The following RBBP8 variants were observed in gnomAD, a reference collection of about 807,000 sequenced individuals.
RBBP8 encodes the protein RB binding protein 8, endonuclease, also known as DNA endonuclease RBBP8.
RBBP8 carries 88 observed loss-of-function variants against 108.3 expected under a neutral mutation model. The ratio of observed to expected loss-of-function variants is 0.81; its 90% CI spans 0.68 to 0.97. The LOEUF (loss-of-function observed/expected upper bound fraction) is 0.97. RBBP8 is among the 50% of genes least tolerant of loss of function. RBBP8 has a pLI of 0.00. For synonymous variants in RBBP8, 332 were observed against 348.2 expected (o/e 0.95, Z 0.52); for missense variants, 1,023 against 1,049.0 (o/e 0.98, Z 0.34).
upstream of RBBP8, among the ~76,000 whole-genome samples, chr18:22,928,653 C>A (rs994701975): frequency 6.6e-6 from 1 of 151,080 alleles, no homozygotes; most frequent in African/African-American, 2.4e-5. Context: ...GATTTTTAAC[C>A]TTTAGGCAAT....
chr18:22,937,940 C>A (rs762158607), intron 2 of RBBP8, among the ~76,000 whole-genome samples: 110 of 152,014 alleles, frequency 7.2e-4, no homozygotes, highest in Non-Finnish European at 1.0e-3. Flanking sequence ...TTCCTCCCAC[C>A]TTAGCCTCCT....
At chr18:22,992,634 A>G in intron 10 of RBBP8, 114 bp from the exon 11 acceptor site, 1 of 811,134 alleles carries the variant, frequency 1.2e-6, no homozygotes, top group South Asian at 1.8e-5. Flanking sequence ...CTAAATGAAG[A>G]GAAGCCAAAA....
intron 3 of RBBP8, among the ~76,000 whole-genome samples, chr18:22,922,494 A>T (rs1266355964): frequency 6.6e-6 from 1 of 152,046 alleles, no homozygotes; most frequent in Non-Finnish European, 1.5e-5. Flanking sequence ...ACAGGGTCTC[A>T]CTCTGTCACC....
intron 3 of RBBP8, among the ~76,000 whole-genome samples, chr18:22,923,659 T>G (rs1053867296): frequency 6.6e-6 from 1 of 152,204 alleles, no homozygotes; most frequent in Non-Finnish European, 1.5e-5. Context: ...CACGACTCTT[T>G]CCATAGTACA....
At position 22,975,105 on chromosome 18, in the gene RBBP8, T is replaced by C. The variant is rs373575761; in HGVS notation, c.362-48T>C. 1.9e-5 allele frequency: 29 copies of C among 1,540,206 alleles called. No individual in the cohort carries two copies. The African/African-American group carries it at 3.3e-4, about 18-fold the overall frequency. ...ATTTTATTTGAAAGCCTAACATAGA[T>C]GTTAATATAAATATATTATTTGCCT... On this transcript the variant is annotated intron_variant, in intron 5 of 18. Transcript: ENST00000327155.
rs776436570 is a variant in RBBP8 at position 23,006,343 on chromosome 18, T to C, written c.2288-20T>C. 3.1e-6 allele frequency: 5 copies of C among 1,598,200 alleles called. No individual in the cohort carries two copies. The South Asian group carries it at 5.5e-5, about 18-fold the overall frequency. On this transcript the variant is annotated intron_variant, in intron 15 of 18. Transcript: ENST00000327155. ...ATTAAGTTCTACATTTAGTTTGTAATGTGCATGTTTTATTTATAGCTCATG... is the reference window on the plus strand; with the variant it reads ...ATTAAGTTCTACATTTAGTTTGTAACGTGCATGTTTTATTTATAGCTCATG...
At chr18:22,983,172 G>C (rs78056251) in intron 7 of RBBP8, among the ~76,000 whole-genome samples, 5,156 of 152,232 alleles carry the variant, frequency 0.034, 149 homozygotes, top group East Asian at 0.082. Flanking sequence ...CATGATACAA[G>C]TATTACTTTT....
chr18:22,935,214 C>T (rs1910436900), intron 1 of RBBP8, among the ~76,000 whole-genome samples: 1 of 151,016 alleles, frequency 6.6e-6, no homozygotes. Context: ...ATTGTATACG[C>T]ACCCACCCAG....
At chr18:22,989,026 G>A (rs1025699747) in intron 8 of RBBP8, among the ~76,000 whole-genome samples, 195 bp from the exon 9 acceptor site, 5 of 152,094 alleles carry the variant, frequency 3.3e-5, no homozygotes, top group Non-Finnish European at 5.9e-5. Context: ...ATTTTAGCAC[G>A]CATAGACCTG....
chr18:22,918,108 C>G (rs1909439058), intron 3 of RBBP8, among the ~76,000 whole-genome samples: 1 of 151,940 alleles, frequency 6.6e-6, no homozygotes, highest in Non-Finnish European at 1.5e-5. Flanking sequence ...TCAAAGAAGT[C>G]TTTGTTAAAA....
chr18:22,992,153 C>T (rs965795732), intron 10 of RBBP8, among the ~76,000 whole-genome samples: 1 of 152,064 alleles, frequency 6.6e-6, no homozygotes, highest in Non-Finnish European at 1.5e-5. Flanking sequence ...CTTGGAGTTA[C>T]TCATGATCAA....
rs34653966 is a variant in RBBP8 at position 23,004,056 on chromosome 18, CAAAAAAAAAAAAA to C, written c.2288-2292_2288-2280del. Among the ~76,000 whole-genome samples, 17 of 69,666 alleles carry C rather than the reference CAAAAAAAAAAAAA, an allele frequency of 2.4e-4. No individual in the cohort carries two copies. The East Asian group carries it at 2.8e-3, about 12-fold the overall frequency. 45.7% of individuals were successfully genotyped at this position (69,666 alleles called of 152,430 possible). On this transcript the variant is annotated intron_variant, in intron 15 of 18. Transcript: ENST00000327155. ...TGGGCAACAGCGCAAGACCCCGTCT[CAAAAAAAAAAAAA>C]AAAAAAAAAAAAAACTAAAAATGGA...
intron 3 of RBBP8, among the ~76,000 whole-genome samples, chr18:22,922,033 T>C (rs1909616077): frequency 6.6e-6 from 1 of 152,172 alleles, no homozygotes; most frequent in Non-Finnish European, 1.5e-5. Context: ...AGGGTCTAGT[T>C]ACAAGAAGTA....
At chr18:22,968,771 T>C in intron 4 of RBBP8, 35 bp from the exon 5 acceptor site, 2 of 1,542,404 alleles carry the variant, frequency 1.3e-6, no homozygotes, top group Non-Finnish European at 1.8e-6. Context: ...GAAATCTCTT[T>C]TAGTGGATGA....
intron 16 of RBBP8, among the ~76,000 whole-genome samples, chr18:23,007,843 G>A (rs910727468): frequency 1.5e-4 from 22 of 148,490 alleles, no homozygotes; most frequent in Admixed American, 4.0e-4. Flanking sequence ...ATGGAGTTTC[G>A]CTCTGGTTGC....
intron 14 of RBBP8, among the ~76,000 whole-genome samples, chr18:22,999,913 T>C (rs1371036211): frequency 6.6e-6 from 1 of 152,226 alleles, no homozygotes; most frequent in African/African-American, 2.4e-5. Context: ...ATACACAGAA[T>C]GTTCCGAGGA....
At chr18:23,015,560 A>AT (rs72088603) in intron 16 of RBBP8, among the ~76,000 whole-genome samples, 100 of 147,896 alleles carry the variant, frequency 6.8e-4, no homozygotes, top group Non-Finnish European at 1.2e-3. Context: ...CATTTCCCGT[A>AT]TTTTTTTTTT....
chr18:22,946,398 T>C (rs969136302), intron 2 of RBBP8, 46 bp from the exon 3 acceptor site: 20 of 1,605,588 alleles, frequency 1.2e-5, no homozygotes, highest in Non-Finnish European at 1.6e-5. Context: ...ATTTGACTCA[T>C]AAAGGAACTG....
At chr18:22,954,622 A>T (rs1912347794) in intron 4 of RBBP8, among the ~76,000 whole-genome samples, 1 of 152,046 alleles carries the variant, frequency 6.6e-6, no homozygotes, top group African/African-American at 2.4e-5. Flanking sequence ...CTGTTGGTGG[A>T]TCTGGGTGTT....
Sources: gnomAD v4.1 joint callset for allele counts (sites outside exome capture counted in the v4.1 genomes callset) on GRCh38, gnomAD v4.1.1 for gene constraint, MANE v1.5 for transcripts, NCBI Gene and HGNC (gene_info 2026-07-23, HGNC 2026-07-21) for gene names.